Variants in DPP10 observed in about 807,000 individuals in gnomAD.
DPP10 encodes the protein inactive dipeptidyl peptidase 10.
DPP10 carries 33 observed loss-of-function variants against 120.9 expected under a neutral mutation model. The observed-to-expected ratio is 0.27, with a 90% confidence interval of 0.21 to 0.37. DPP10 has a LOEUF of 0.37. DPP10 is among the 10% of genes least tolerant of loss of function. The pLI is 1.00. For synonymous variants in DPP10, 337 were observed against 326.1 expected (o/e 1.03, Z -0.36); for missense variants, 816 against 942.8 (o/e 0.87, Z 1.76).
At chr2:114,663,654 TATATATATATATATAGAGAGAG>T (rs1697633708) in intron 1 of DPP10, among the ~76,000 whole-genome samples, 1 of 95,188 alleles carries the variant, frequency 1.1e-5, no homozygotes, top group South Asian at 3.1e-4. Context: ...TATATATATA[TATATATATATATATAGAGAGAG>T]AGAGAGAGAG....
At chr2:115,212,665 TTAAAA>T (rs1262473005) in intron 1 of DPP10, among the ~76,000 whole-genome samples, 1 of 152,176 alleles carries the variant, frequency 6.6e-6, no homozygotes, top group African/African-American at 2.4e-5. Flanking sequence ...TACAAATATG[TTAAAA>T]TAAATAAAAA....
At chr2:115,598,827 A>G (rs1215682863) in intron 5 of DPP10, among the ~76,000 whole-genome samples, 1 of 124,212 alleles carries the variant, frequency 8.1e-6, no homozygotes, top group Non-Finnish European at 1.7e-5. Context: ...TTTTTTTTTC[A>G]TTAATAACAT....
At chr2:115,009,401 G>C (rs937183617) in intron 1 of DPP10, among the ~76,000 whole-genome samples, 5 of 151,984 alleles carry the variant, frequency 3.3e-5, no homozygotes, top group Non-Finnish European at 5.9e-5. Context: ...GACACAGGAA[G>C]GGGAATATCA....
At chr2:115,834,666 G>A (rs1689263768) in intron 21 of DPP10, among the ~76,000 whole-genome samples, 1 of 152,010 alleles carries the variant, frequency 6.6e-6, no homozygotes, top group South Asian at 2.1e-4. Flanking sequence ...CATCTATCTG[G>A]GAACATTATT....
rs12053252 is a variant in DPP10 at position 115,170,948 on chromosome 2, G to A, written c.61-138291G>A. On this transcript the variant is annotated intron_variant, in intron 1 of 25. Coordinates refer to ENST00000410059, the MANE Select transcript of DPP10 (RefSeq NM_020868.6). ...TCTGCACTCTAGGATGGTACTTCTC[G>A]TTCCTTCATCTCTCTTTGCATGAAT... Among the ~76,000 whole-genome samples the A allele has an allele frequency of 5.0e-3, 757 of 152,198 alleles. 42 individuals are homozygous for A. In the East Asian group the frequency reaches 0.13, roughly 26 times the overall value.
chr2:115,326,058 C>A (rs757629983), intron 2 of DPP10, among the ~76,000 whole-genome samples: 79 of 152,078 alleles, frequency 5.2e-4, no homozygotes, highest in Non-Finnish European at 4.4e-4. Flanking sequence ...TCCATTGGTC[C>A]ATCTTACATG....
At chr2:115,383,917 C>G (rs1351184008) in intron 3 of DPP10, among the ~76,000 whole-genome samples, 1 of 152,124 alleles carries the variant, frequency 6.6e-6, no homozygotes, top group Non-Finnish European at 1.5e-5. Context: ...TTTTTAAAAA[C>G]TTAATCCAAA....
intron 1 of DPP10, among the ~76,000 whole-genome samples, chr2:114,816,142 T>C (rs1685625777): frequency 6.6e-6 from 1 of 152,240 alleles, no homozygotes; most frequent in Non-Finnish European, 1.5e-5. Flanking sequence ...CAGCTGACAC[T>C]GTGCGCCAGT....
intron 8 of DPP10, among the ~76,000 whole-genome samples, chr2:115,738,062 G>T (rs1460173135): frequency 2.6e-5 from 4 of 152,080 alleles, no homozygotes; most frequent in Non-Finnish European, 4.4e-5. Context: ...TATAAGATTG[G>T]CCAAGAAATC....
chr2:114,819,888 G>A (rs1685949235), intron 1 of DPP10, among the ~76,000 whole-genome samples: 4 of 152,134 alleles, frequency 2.6e-5, no homozygotes, highest in Admixed American at 2.6e-4. Flanking sequence ...TATTGTCATA[G>A]GAGAGGATTA....
intron 1 of DPP10, among the ~76,000 whole-genome samples, chr2:114,620,278 A>G (rs1245099553): frequency 1.3e-5 from 2 of 151,980 alleles, no homozygotes; most frequent in Non-Finnish European, 2.9e-5. Context: ...GGTTTTTGGC[A>G]TGTCATTTTC....
chr2:114,879,568 C>G (rs1691439253), intron 1 of DPP10, among the ~76,000 whole-genome samples: 1 of 152,026 alleles, frequency 6.6e-6, no homozygotes, highest in African/African-American at 2.4e-5. Context: ...CTTCAAAGTG[C>G]AAATGGGAAA....
chr2:115,541,168 A>G (rs994619592), intron 5 of DPP10, among the ~76,000 whole-genome samples: 2 of 151,954 alleles, frequency 1.3e-5, no homozygotes, highest in Non-Finnish European at 2.9e-5. Context: ...TTTATTAGTT[A>G]TTCACTTATA....
At chr2:115,673,002 G>C (rs987963682) in intron 5 of DPP10, among the ~76,000 whole-genome samples, 1 of 152,034 alleles carries the variant, frequency 6.6e-6, no homozygotes, top group African/African-American at 2.4e-5. Flanking sequence ...GCCTGTCTTG[G>C]CCTCCCAAAG....
intron 3 of DPP10, among the ~76,000 whole-genome samples, chr2:115,496,824 G>A (rs1219355928): frequency 6.6e-6 from 1 of 152,086 alleles, no homozygotes; most frequent in African/African-American, 2.4e-5. Context: ...TGGGAGAACT[G>A]GAGTTATTAC....
At chr2:115,622,376 C>CT (rs1418015143) in intron 5 of DPP10, among the ~76,000 whole-genome samples, 1 of 152,138 alleles carries the variant, frequency 6.6e-6, no homozygotes, top group Non-Finnish European at 1.5e-5. Context: ...CTTTCACTGT[C>CT]TAATAGTGTT....
intron 1 of DPP10, among the ~76,000 whole-genome samples, chr2:114,463,177 C>A (rs1679071881): frequency 1.3e-5 from 2 of 152,132 alleles, no homozygotes; most frequent in African/African-American, 4.8e-5. Context: ...GCATACTAAC[C>A]CATGTATGTA....
At chr2:115,412,722 T>G (rs1009962033) in intron 3 of DPP10, among the ~76,000 whole-genome samples, 6 of 152,226 alleles carry the variant, frequency 3.9e-5, no homozygotes, top group African/African-American at 1.4e-4. Flanking sequence ...CTTGTTTACT[T>G]AATGTGGTTT....
At chr2:115,689,656 A>C in intron 5 of DPP10, 31 bp from the exon 6 acceptor site, 69 of 1,271,280 alleles carry the variant, frequency 5.4e-5, no homozygotes, top group Non-Finnish European at 7.0e-5. Flanking sequence ...AGATAAAGCT[A>C]TGATCAATAA....
Sources: gnomAD v4.1 joint callset for allele counts (sites outside exome capture counted in the v4.1 genomes callset) on GRCh38, gnomAD v4.1.1 for gene constraint, MANE v1.5 for transcripts, NCBI Gene and HGNC (gene_info 2026-07-23, HGNC 2026-07-21) for gene names.